RBIS: variants seen among roughly 807,000 people sequenced by gnomAD.
The protein encoded by RBIS is ribosomal biogenesis factor.
RBIS carries 9 observed loss-of-function variants against 9.8 expected under a neutral mutation model. The ratio of observed to expected loss-of-function variants is 0.92; its 90% CI spans 0.56 to 1.61. The LOEUF (loss-of-function observed/expected upper bound fraction) is 1.61, where lower values mean the gene tolerates loss of function less well. RBIS is among the 40% of genes most tolerant of loss of function. RBIS has a pLI of 0.00. For synonymous variants in RBIS, 35 were observed against 37.9 expected, an observed-to-expected ratio of 0.92 and a Z score of 0.28; for missense variants, 103 against 116.0, an observed-to-expected ratio of 0.89 and a Z score of 0.51.
intron 1 of RBIS, 179 bp from the exon 2 acceptor site, chr8:85,217,681 TAC>T: frequency 3.4e-6 from 2 of 596,622 alleles, no homozygotes. Flanking sequence ...GCTCTTTGAG[TAC>T]AGAGTATGTA....
Position 85,214,544 on chromosome 8 carries a change from A to C in RBIS, c.*16T>G. 1.4e-6 allele frequency: 2 copies of C among 1,468,246 alleles called. No homozygotes were observed. Among genetic ancestry groups the C allele is most frequent in the African/African-American group, 2.8e-5 (2 of 71,586 alleles). The allele number at this position is 1,468,246 out of a possible 1,614,324, so 91.0% of individuals were successfully genotyped here. ...TTTATTGGTCTTTGTGGAGAATTAG[A>C]TGCATCACCAGTATATTACAACAGA... On this transcript the variant is annotated 3_prime_UTR_variant, in exon 4 of 4. Coordinates refer to ENST00000619594, the MANE Select transcript of RBIS (RefSeq NM_001099673.3).
rs573602987 is a variant in RBIS at position 85,214,959 on chromosome 8, C to T, written c.193G>A (p.Ala65Thr). The change falls in exon 3 of 4, where the codon GCA (alanine) becomes ACA (threonine). Residue 65 changes from alanine to threonine, a missense_variant. Transcript: ENST00000619594. ...AGAGGTTCAAGTGAAATGCTTTTTG[C>T]GAAATGTGCAAGTTCCTTTTGTACA... is the stretch of plus-strand genomic sequence containing the variant. ...VNVQKELAHF[A>T]KSISLEPLQK... 15 of 1,591,890 alleles carry T rather than the reference C, an allele frequency of 9.4e-6. No individual in the cohort carries two copies. Among genetic ancestry groups the T allele is most frequent in the South Asian group, 2.3e-5 (2 of 86,602 alleles).
chr8:85,217,235 A>G (rs954990798), intron 2 of RBIS, 151 bp downstream of exon 2: 3 of 663,710 alleles, frequency 4.5e-6, no homozygotes, highest in Non-Finnish European at 8.0e-6. Flanking sequence ...CTTTTTTTTT[A>G]TATTTTTTTA....
chr8:85,217,262 C>G, intron 2 of RBIS, 124 bp downstream of exon 2: 1 of 717,888 alleles, frequency 1.4e-6, no homozygotes, highest in Non-Finnish European at 2.5e-6. Flanking sequence ...TGCTTGAAAC[C>G]ATCCTTACCT....
At chr8:85,214,862 GTTTAA>G (rs1467794618) in intron 3 of RBIS, 54 bp downstream of exon 3, 4 of 983,094 alleles carry the variant, frequency 4.1e-6, no homozygotes, top group East Asian at 5.0e-5. Flanking sequence ...AAACTTGGGA[GTTTAA>G]TTTATTAGCC....
chr8:85,220,006 C>T (rs2129850343), intron 1 of RBIS, among the ~76,000 whole-genome samples: 1 of 152,208 alleles, frequency 6.6e-6, no homozygotes, highest in Non-Finnish European at 1.5e-5. Context: ...AGCTGTAGAC[C>T]TGAGCAAGGT....
chr8:85,219,544 G>A (rs1813281527), intron 1 of RBIS, among the ~76,000 whole-genome samples: 2 of 152,042 alleles, frequency 1.3e-5, no homozygotes, highest in Non-Finnish European at 2.9e-5. Context: ...GAGGCCAGGA[G>A]TTCGAGACCA....
intron 2 of RBIS, chr8:85,216,764 G>T (rs1236766629): frequency 1.3e-5 from 2 of 152,290 alleles, no homozygotes; most frequent in Non-Finnish European, 2.9e-5. Context: ...TGAAATGTTA[G>T]ATTTCTATGG....
chr8:85,214,935 GA>G lies in RBIS; in HGVS notation c.216del (p.Leu73CysfsTer5). On this transcript the variant is annotated frameshift_variant, in exon 3 of 4. Transcript: ENST00000619594. LOFTEE classifies it high-confidence loss of function. ...AHFAKSISLE[P>X]LQKELIPQQR... ...TTTCTGCTTACCAGTTCTTTCTGCA[GA>G]GGTTCAAGTGAAATGCTTTTTGCGA... The G allele has an allele frequency of 6.4e-7, 1 of 1,563,828 alleles. No homozygotes were observed. The highest frequency in any genetic ancestry group is 8.7e-7 in the Non-Finnish European group (1 of 1,145,188).
chr8:85,217,238 T>TA (rs1277555410), intron 2 of RBIS, 148 bp downstream of exon 2: 1 of 670,718 alleles, frequency 1.5e-6, no homozygotes, highest in Non-Finnish European at 2.6e-6. Flanking sequence ...TTTTTTTATA[T>TA]TTTTTTAGAC....
intron 2 of RBIS, 88 bp from the exon 3 acceptor site, chr8:85,215,125 C>A: frequency 2.0e-6 from 1 of 504,780 alleles, no homozygotes; most frequent in Non-Finnish European, 3.4e-6. Context: ...AATCTAAAAT[C>A]TAAAAACTCT....
chr8:85,218,967 AG>A (rs1249445633), intron 1 of RBIS: 4 of 152,268 alleles, frequency 2.6e-5, no homozygotes, highest in African/African-American at 9.6e-5. Context: ...GACCTTTAAC[AG>A]AAAGTCTGCC....
chr8:85,219,452 C>T (rs1813277322), intron 1 of RBIS: 1 of 152,052 alleles, frequency 6.6e-6, no homozygotes, highest in African/African-American at 2.4e-5. Context: ...AAATGAAGTA[C>T]TCTAAAATCA....
At chr8:85,215,807 A>G (rs1813125659) in intron 2 of RBIS, 1 of 152,238 alleles carries the variant, frequency 6.6e-6, no homozygotes, top group South Asian at 2.1e-4. Context: ...ATCAAACCCA[A>G]GGAGGGGGTC....
Position 85,214,442 on chromosome 8 carries a change from T to C in RBIS, c.*118A>G, listed in dbSNP as rs1382467054. The C allele has an allele frequency of 4.1e-6, 3 of 728,388 alleles. No homozygotes were observed. Among genetic ancestry groups the C allele is most frequent in the East Asian group, 5.2e-5 (2 of 38,268 alleles). 45.1% of individuals were successfully genotyped at this position (728,388 alleles called of 1,614,324 possible). ...CTAGGTTATAGGAAAGATCTGTTTA[T>C]GTAGTTTGTTTTTAAAATGTGCCAA... On this transcript the variant is annotated 3_prime_UTR_variant, in exon 4 of 4. Transcript: ENST00000619594.
chr8:85,220,342 C>A lies in RBIS; in HGVS notation c.-40G>T, dbSNP rs1813325265. The A allele has an allele frequency of 1.3e-5, 2 of 152,270 alleles. No individual in the cohort carries two copies. The highest frequency in any genetic ancestry group is 4.8e-5 in the African/African-American group (2 of 41,474). The allele number at this position is 152,270 out of a possible 1,614,324, so 9.4% of individuals were successfully genotyped here. Reference sequence around the variant, plus strand: ...CACTTGCGTGCAGCTTTTTAAGCTCCAGGTAACACCATCTGGCACGTACGG... The same window carrying A: ...CACTTGCGTGCAGCTTTTTAAGCTCAAGGTAACACCATCTGGCACGTACGG... On this transcript the variant is annotated 5_prime_UTR_variant, in exon 1 of 4. An upstream open reading frame in the 5' UTR gains an earlier in-frame stop. Coordinates refer to ENST00000619594, the MANE Select transcript of RBIS (RefSeq NM_001099673.3).
Position 85,217,466 on chromosome 8 carries a change from T to G in RBIS, c.34A>C (p.Arg12=). The G allele has an allele frequency of 6.2e-7, 1 of 1,612,260 alleles. No homozygotes were observed. The change falls in exon 2 of 4, where the codon AGG becomes CGG. Residue 12 remains arginine, a synonymous_variant. Coordinates refer to ENST00000619594, the MANE Select transcript of RBIS (RefSeq NM_001099673.3). ...AKNKLRGPKS[R]NVFHIASQKN... is the part of the protein sequence containing the mutation. ...TGGCTGGCTATGTGAAATACATTCC[T>G]GGACTTCGGCCCTCTTAATTTGTTC...
At position 85,214,349 on chromosome 8, in the gene RBIS, T is replaced by G; in HGVS notation, c.*211A>C. On this transcript the variant is annotated 3_prime_UTR_variant, in exon 4 of 4. Transcript: ENST00000619594. Reference sequence around the variant, plus strand: ...TATAACTGTTTCAGTGAACAGATTTTGTGAAGTGCCTTCTGTTTTAGCACT... The same window carrying G: ...TATAACTGTTTCAGTGAACAGATTTGGTGAAGTGCCTTCTGTTTTAGCACT... 1.7e-6 allele frequency: 1 copy of G among 598,558 alleles called. No homozygotes were observed. The highest frequency in any genetic ancestry group is 3.0e-6 in the Non-Finnish European group (1 of 337,478). 37.1% of individuals were successfully genotyped at this position (598,558 alleles called of 1,614,324 possible). A position where few individuals can be genotyped will look rare whatever the true frequency, so the allele number is the denominator to read the frequency against.
In RBIS at chr8:85,214,563, C is replaced by A. The variant is rs767238372; in HGVS notation, c.300G>T (p.Leu100Phe). Residue 100 changes from leucine to phenylalanine, a missense_variant, in exon 4 of 4, where the codon TTG (leucine) becomes TTT (phenylalanine). Coordinates refer to ENST00000619594, the MANE Select transcript of RBIS (RefSeq NM_001099673.3). ...AATTAGATGCATCACCAGTATATTA[C>A]AACAGAGCCATTAATCTTGTAGCTT... ...VDEATRLMALL is the reference protein window; with the variant it reads ...VDEATRLMALF 6.4e-7 allele frequency: 1 copy of A among 1,556,340 alleles called. No homozygotes were observed. The highest frequency in any genetic ancestry group is 8.9e-7 in the Non-Finnish European group (1 of 1,128,554).
Sources: allele counts gnomAD v4.1 joint callset (sites outside exome capture counted in the v4.1 genomes callset), GRCh38; gene constraint gnomAD v4.1.1; transcripts MANE v1.5; gene names NCBI Gene and HGNC (gene_info 2026-07-23, HGNC 2026-07-21).